The following NR6A1 variants were observed in gnomAD, a reference collection of about 807,000 sequenced individuals.
NR6A1 encodes retinoic acid receptor-related testis-associated receptor.
NR6A1 carries 7 observed loss-of-function variants against 59.1 expected under a neutral mutation model. The ratio of observed to expected loss-of-function variants is 0.12; its 90% CI spans 0.07 to 0.22. The LOEUF (loss-of-function observed/expected upper bound fraction) is 0.22. Among genes scored for constraint, NR6A1 ranks in the 10% least tolerant of loss-of-function variants. NR6A1 has a pLI of 1.00. For synonymous variants in NR6A1, 243 were observed against 236.1 expected (o/e 1.03, Z -0.27); for missense variants, 468 against 611.6 (o/e 0.77, Z 2.48).
chr9:124,745,092 A>C (rs1349172161), intron 1 of NR6A1, among the ~76,000 whole-genome samples: 1 of 152,206 alleles, frequency 6.6e-6, no homozygotes, highest in Non-Finnish European at 1.5e-5. Flanking sequence ...CTAAAAATTC[A>C]AACACAGGAA....
intron 2 of NR6A1, among the ~76,000 whole-genome samples, chr9:124,656,212 G>A (rs1837255437): frequency 6.6e-6 from 1 of 152,100 alleles, no homozygotes; most frequent in Admixed American, 6.5e-5. Context: ...CTTTCACCTT[G>A]TGCCATGAAT....
chr9:124,540,809 A>C (rs1228662616), intron 4 of NR6A1, among the ~76,000 whole-genome samples: 1 of 152,146 alleles, frequency 6.6e-6, no homozygotes, highest in African/African-American at 2.4e-5. Flanking sequence ...TTAAAAGAAG[A>C]CAAAACAAAA....
intron 2 of NR6A1, among the ~76,000 whole-genome samples, chr9:124,578,870 A>C (rs1588681765): frequency 6.6e-6 from 1 of 152,228 alleles, no homozygotes; most frequent in Non-Finnish European, 1.5e-5. Context: ...TACTGGAAAT[A>C]ATCCTTTCTC....
chr9:124,729,782 C>T (rs1044660140), intron 2 of NR6A1, among the ~76,000 whole-genome samples: 1 of 151,474 alleles, frequency 6.6e-6, no homozygotes, highest in Non-Finnish European at 1.5e-5. Flanking sequence ...AAAACTGGTA[C>T]AAACTGAAAT....
At chr9:124,725,429 T>C (rs1839685553) in intron 2 of NR6A1, among the ~76,000 whole-genome samples, 1 of 152,058 alleles carries the variant, frequency 6.6e-6, no homozygotes, top group Non-Finnish European at 1.5e-5. Context: ...GCCATTTAAT[T>C]GGACAAAGTC....
At chr9:124,545,972 G>A (rs528881020) in intron 3 of NR6A1, among the ~76,000 whole-genome samples, 45 of 152,090 alleles carry the variant, frequency 3.0e-4, no homozygotes, top group Non-Finnish European at 5.4e-4. Flanking sequence ...AAAATTAGCC[G>A]GGCGTGGTGG....
At chr9:124,554,695 G>T in intron 2 of NR6A1, 125 bp from the exon 3 acceptor site, 2 of 1,244,874 alleles carry the variant, frequency 1.6e-6, no homozygotes, top group African/African-American at 1.5e-5. Context: ...GCAAACAGGG[G>T]GCCCATCTTC....
At chr9:124,732,762 T>C (rs560271137) in intron 2 of NR6A1, among the ~76,000 whole-genome samples, 10 of 152,184 alleles carry the variant, frequency 6.6e-5, no homozygotes, top group African/African-American at 2.2e-4. Flanking sequence ...AATGGCATGT[T>C]CTTGGCTCAC....
chr9:124,522,687 G>A lies in NR6A1; in HGVS notation c.*18C>T, dbSNP rs376592254. ...CCCAAGACGCTGTGGTTGGCCTGAG[G>A]AGGGCGCCTGGAACAGGTCATTCCT... On this transcript the variant is annotated 3_prime_UTR_variant, in exon 10 of 10. Transcript: ENST00000487099. 3.9e-6 allele frequency: 6 copies of A among 1,556,750 alleles called. No individual in the cohort carries two copies. Among genetic ancestry groups the A allele is most frequent in the Non-Finnish European group, 5.2e-6 (6 of 1,150,596 alleles).
At chr9:124,655,958 C>T (rs958987169) in intron 2 of NR6A1, among the ~76,000 whole-genome samples, 1 of 152,084 alleles carries the variant, frequency 6.6e-6, no homozygotes, top group East Asian at 1.9e-4. Flanking sequence ...TTGTTTGCTC[C>T]CCCCTCATTG....
intron 2 of NR6A1, among the ~76,000 whole-genome samples, chr9:124,716,423 G>C (rs945439323): frequency 6.6e-6 from 1 of 152,208 alleles, no homozygotes; most frequent in South Asian, 2.1e-4. Context: ...TTTGTAGAGA[G>C]GGCACAGAAA....
chr9:124,599,619 G>A (rs939355774), intron 2 of NR6A1: 2 of 1,175,208 alleles, frequency 1.7e-6, no homozygotes, highest in Non-Finnish European at 2.2e-6. Context: ...TGAGTCGGTC[G>A]TCGCCGGCTC....
intron 2 of NR6A1, among the ~76,000 whole-genome samples, chr9:124,722,139 T>C (rs1588828590): frequency 6.6e-6 from 1 of 152,340 alleles, no homozygotes; most frequent in South Asian, 2.1e-4. Context: ...ATGTCTCAGC[T>C]TGGCACCCAA....
At chr9:124,632,468 C>T (rs1053204441) in intron 2 of NR6A1, among the ~76,000 whole-genome samples, 8 of 152,150 alleles carry the variant, frequency 5.3e-5, no homozygotes, top group African/African-American at 1.7e-4. Context: ...TATGTCTTTT[C>T]AGAAGGATCT....
intron 2 of NR6A1, chr9:124,595,657 T>G: frequency 1.8e-6 from 1 of 550,218 alleles, no homozygotes; most frequent in South Asian, 1.5e-5. Context: ...CAGTTGCCTG[T>G]GGACTGCCTC....
intron 2 of NR6A1, among the ~76,000 whole-genome samples, chr9:124,729,924 T>C (rs1373139345): frequency 2.6e-5 from 4 of 152,004 alleles, no homozygotes; most frequent in African/African-American, 9.7e-5. Context: ...GCAATTCTCC[T>C]GCCTCAGCCT....
intron 1 of NR6A1, among the ~76,000 whole-genome samples, chr9:124,769,693 C>T (rs954778820): frequency 2.6e-5 from 4 of 152,146 alleles, no homozygotes; most frequent in Non-Finnish European, 5.9e-5. Context: ...AGGCACTGAT[C>T]TCTGAGAGCC....
chr9:124,766,019 C>G (rs1195048077), intron 1 of NR6A1, among the ~76,000 whole-genome samples: 1 of 152,060 alleles, frequency 6.6e-6, no homozygotes, highest in East Asian at 1.9e-4. Context: ...GGAAAACAAT[C>G]AATGAACAAA....
chr9:124,539,923 G>A (rs1337824409), intron 5 of NR6A1, 110 bp downstream of exon 5: 1 of 1,295,722 alleles, frequency 7.7e-7, no homozygotes, highest in Non-Finnish European at 1.1e-6. Context: ...GGGAGCAACA[G>A]TACAATGGCT....
Sources: allele counts gnomAD v4.1 joint callset (sites outside exome capture counted in the v4.1 genomes callset), GRCh38; gene constraint gnomAD v4.1.1; transcripts MANE v1.5; gene names NCBI Gene and HGNC (gene_info 2026-07-23, HGNC 2026-07-21).